GTF2IRD1: variants seen among roughly 807,000 people sequenced by gnomAD.
GTF2IRD1 encodes general transcription factor II-I repeat domain-containing protein 1.
In GTF2IRD1, 26 loss-of-function variants were observed where a neutral mutation model predicts 113.2. The observed-to-expected ratio is 0.23, with a 90% CI of 0.17 to 0.32. GTF2IRD1 has a LOEUF of 0.32. GTF2IRD1 is among the 10% of genes least tolerant of loss of function. The pLI, the probability that GTF2IRD1 is intolerant of heterozygous loss-of-function variation, is 1.00. For missense variants in GTF2IRD1, 864 were observed against 1,280.8 expected (o/e 0.67, Z 4.97); for synonymous variants, 484 against 529.1 (o/e 0.91, Z 1.17).
chr7:74,480,416 G>C (rs376939655), intron 1 of GTF2IRD1, among the ~76,000 whole-genome samples: 1 of 152,236 alleles, frequency 6.6e-6, no homozygotes, highest in African/African-American at 2.4e-5. Flanking sequence ...CTCCTCCACT[G>C]GAAGAGAGCC....
At chr7:74,560,516 ATATT>A (rs1243234488) in intron 22 of GTF2IRD1, among the ~76,000 whole-genome samples, 1 of 147,226 alleles carries the variant, frequency 6.8e-6, no homozygotes, top group East Asian at 1.9e-4. Flanking sequence ...ATAATTAAAA[ATATT>A]TATATAATTA....
chr7:74,464,423 T>G (rs1449537317), intron 1 of GTF2IRD1, among the ~76,000 whole-genome samples: 9 of 122,838 alleles, frequency 7.3e-5, no homozygotes, highest in African/African-American at 2.7e-4. Context: ...ATTTGGGGGG[T>G]TTTTACTTTG....
chr7:74,566,539 G>A (rs1255203416), intron 22 of GTF2IRD1, among the ~76,000 whole-genome samples: 1 of 152,098 alleles, frequency 6.6e-6, no homozygotes, highest in African/African-American at 2.4e-5. Context: ...ACGGGGTTTT[G>A]CCATGTTGGC....
At chr7:74,550,586 C>T (rs1456491106) in intron 17 of GTF2IRD1, among the ~76,000 whole-genome samples, 4 of 151,218 alleles carry the variant, frequency 2.6e-5, no homozygotes, top group African/African-American at 7.3e-5. Context: ...GACCCTGTCT[C>T]GAAAATTTTT....
intron 22 of GTF2IRD1, among the ~76,000 whole-genome samples, chr7:74,564,025 G>C (rs1250998223): frequency 6.6e-6 from 1 of 151,678 alleles, no homozygotes; most frequent in Non-Finnish European, 1.5e-5. Flanking sequence ...TTTTTGTTTT[G>C]TTTTGTTTTT....
Position 74,552,632 on chromosome 7 carries a change from GGTTT to G in GTF2IRD1, c.1917-2537_1917-2534del, listed in dbSNP as rs1799380002. Among the ~76,000 whole-genome samples the G allele has an allele frequency of 2.6e-5, 4 of 152,208 alleles. No individual in the cohort carries two copies. The South Asian group carries it at 6.2e-4, about 24-fold the overall frequency. ...GTCTTAAGAGACAGTGTCTCATTCT[GGTTT>G]GTTTTTATTTTTGTTTTTGCTTTCT... On this transcript the variant is annotated intron_variant, in intron 17 of 26. Transcript: ENST00000424337.
intron 1 of GTF2IRD1, among the ~76,000 whole-genome samples, chr7:74,464,865 A>T (rs1477418144): frequency 1.3e-5 from 2 of 151,178 alleles, no homozygotes; most frequent in Non-Finnish European, 3.0e-5. Flanking sequence ...TCCCACCCCT[A>T]CCGGGTTCCC....
intron 7 of GTF2IRD1, 66 bp downstream of exon 7, chr7:74,521,363 GA>G (rs1554345959): frequency 1.1e-6 from 1 of 939,156 alleles, no homozygotes; most frequent in Non-Finnish European, 1.8e-6. Context: ...GGTGCTTATT[GA>G]AATGGAAGTG....
chr7:74,564,012 T>C (rs1409075997), intron 22 of GTF2IRD1, among the ~76,000 whole-genome samples: 1 of 152,000 alleles, frequency 6.6e-6, no homozygotes, highest in Non-Finnish European at 1.5e-5. Context: ...TTGTGCTTTT[T>C]TGTTTTTGTT....
chr7:74,538,401 C>T (rs1798425512), intron 12 of GTF2IRD1, among the ~76,000 whole-genome samples: 1 of 152,184 alleles, frequency 6.6e-6, no homozygotes, highest in Non-Finnish European at 1.5e-5. Context: ...TCACCACTGC[C>T]TCCTGTCGAT....
At chr7:74,482,690 C>T (rs1554334876) in intron 1 of GTF2IRD1, among the ~76,000 whole-genome samples, 1 of 152,172 alleles carries the variant, frequency 6.6e-6, no homozygotes, top group African/African-American at 2.4e-5. Flanking sequence ...CCCTGACCCA[C>T]CACGATAACC....
intron 25 of GTF2IRD1, among the ~76,000 whole-genome samples, chr7:74,599,446 T>C (rs1802614998): frequency 6.6e-6 from 1 of 152,180 alleles, no homozygotes; most frequent in Non-Finnish European, 1.5e-5. Flanking sequence ...GGTTCTTTTA[T>C]GCATGCGGTG....
chr7:74,598,670 A>C (rs1554373090), intron 25 of GTF2IRD1, among the ~76,000 whole-genome samples: 2 of 152,024 alleles, frequency 1.3e-5, no homozygotes, highest in Non-Finnish European at 1.5e-5. Flanking sequence ...TGAAAGCCTC[A>C]GGAGGATTTG....
intron 10 of GTF2IRD1, among the ~76,000 whole-genome samples, chr7:74,535,410 C>T (rs1439913907): frequency 6.6e-6 from 1 of 152,208 alleles, no homozygotes; most frequent in Non-Finnish European, 1.5e-5. Context: ...GAACCTGAGC[C>T]TGTGCCAGGC....
chr7:74,469,334 T>A (rs185214030), intron 1 of GTF2IRD1, among the ~76,000 whole-genome samples: 514 of 152,298 alleles, frequency 3.4e-3, no homozygotes, highest in Non-Finnish European at 5.4e-3. Flanking sequence ...GTGTTTTTTT[T>A]AAAATATATT....
At chr7:74,561,570 GC>G (rs1196328323) in intron 22 of GTF2IRD1, among the ~76,000 whole-genome samples, 1 of 151,668 alleles carries the variant, frequency 6.6e-6, no homozygotes, top group Admixed American at 6.6e-5. Context: ...GTCACTGGAT[GC>G]CAGAAGTGTG....
intron 1 of GTF2IRD1, among the ~76,000 whole-genome samples, chr7:74,455,607 G>A (rs1043508837): frequency 2.0e-5 from 3 of 152,186 alleles, no homozygotes; most frequent in Admixed American, 6.5e-5. Flanking sequence ...AGGTAGTTAG[G>A]TGGCCGTCAT....
At position 74,485,687 on chromosome 7, in the gene GTF2IRD1, C is replaced by T. The variant is rs573232570; in HGVS notation, c.-6-22388C>T. Among the ~76,000 whole-genome samples, 13 of 151,966 alleles carry T rather than the reference C, an allele frequency of 8.6e-5. No individual in the cohort carries two copies. In the East Asian group the frequency reaches 1.9e-3, roughly 23 times the overall value. ...CTATAATCCCGGCACTTTGAGAGGC[C>T]GAGGCAGGTGGATCACTTGAGGGCA... On this transcript the variant is annotated intron_variant, in intron 1 of 26. Coordinates refer to ENST00000424337, the MANE Select transcript of GTF2IRD1 (RefSeq NM_005685.4).
chr7:74,554,940 A>G (rs1242993540), intron 17 of GTF2IRD1, among the ~76,000 whole-genome samples: 4 of 152,146 alleles, frequency 2.6e-5, no homozygotes, highest in Non-Finnish European at 4.4e-5. Flanking sequence ...CAGGAGTGAG[A>G]TATCAGATGG....
Sources: allele counts gnomAD v4.1 joint callset (sites outside exome capture counted in the v4.1 genomes callset), GRCh38; gene constraint gnomAD v4.1.1; transcripts MANE v1.5; gene names NCBI Gene and HGNC (gene_info 2026-07-23, HGNC 2026-07-21).